SMC1A: variants seen among roughly 807,000 people sequenced by gnomAD.
The protein encoded by SMC1A is structural maintenance of chromosomes 1A.
SMC1A carries 4 observed loss-of-function variants against 94.5 expected under a neutral mutation model. The observed-to-expected ratio is 0.04, with a 90% CI of 0.02 to 0.10. The LOEUF is 0.10. SMC1A is among the 10% of genes least tolerant of loss of function. SMC1A has a pLI of 1.00. For missense variants in SMC1A, 304 were observed against 989.0 expected, an observed-to-expected ratio of 0.31 and a Z score of 9.29; for synonymous variants, 345 against 347.7, an observed-to-expected ratio of 0.99 and a Z score of 0.09.
At chrX:53,380,245 T>G in intron 24 of SMC1A, 59 bp from the exon 25 acceptor site, 24 of 854,672 alleles carry the variant, frequency 2.8e-5, no homozygotes, top group African/African-American at 3.9e-5. Flanking sequence ...AAGAGGGGTC[T>G]AGTGCCCCAG....
Position 53,409,042 on chromosome X carries a change from A to G in SMC1A, c.1545+20T>C. The G allele has an allele frequency of 1.7e-6, 2 of 1,191,973 alleles. No individual in the cohort carries two copies. The highest frequency in any genetic ancestry group is 1.8e-5 in the South Asian group (1 of 56,544). On this transcript the variant is annotated intron_variant, in intron 9 of 24. Transcript: ENST00000322213. ...AGTGAGTGTAAGTGCTCAGGAAATG[A>G]GTTCCCTCTCTGCTCTTACCACAGA...
chrX:53,383,998 C>T (rs2075595044), intron 19 of SMC1A, among the ~76,000 whole-genome samples: 2 of 111,972 alleles, frequency 1.8e-5, no homozygotes, highest in Admixed American at 9.5e-5. Flanking sequence ...AGACTCCTAA[C>T]TCAGAGATCA....
At chrX:53,395,953 A>C (rs1302728057) in intron 18 of SMC1A, among the ~76,000 whole-genome samples, 2 of 110,966 alleles carry the variant, frequency 1.8e-5, no homozygotes, top group Non-Finnish European at 3.8e-5. Flanking sequence ...GAATTACTTC[A>C]TTCTTTCCTG....
At chrX:53,393,102 T>C (rs1208101612) in intron 19 of SMC1A, among the ~76,000 whole-genome samples, 1 of 111,993 alleles carries the variant, frequency 8.9e-6, no homozygotes, top group Admixed American at 9.6e-5. Context: ...TGATGTGATG[T>C]AGAAGGAAGT....
At chrX:53,381,163 C>T (rs1195920077) in intron 22 of SMC1A, 76 bp from the exon 23 acceptor site, 3 of 600,005 alleles carry the variant, frequency 5.0e-6, no homozygotes, top group Non-Finnish European at 8.5e-6. Flanking sequence ...AGCCCCAGGG[C>T]CCATCAAACA....
intron 13 of SMC1A, chrX:53,404,806 T>C (rs1328782972): frequency 5.5e-5 from 25 of 455,896 alleles, no homozygotes; most frequent in Non-Finnish European, 6.9e-5. Flanking sequence ...AGGTTGACAC[T>C]GAAAGGTGAA....
At chrX:53,415,841 G>A (rs1556891208) in intron 1 of SMC1A, among the ~76,000 whole-genome samples, 9 of 57,741 alleles carry the variant, frequency 1.6e-4, no homozygotes, top group African/African-American at 7.0e-5. Context: ...TAAAAAAATA[G>A]TGAAAAAAAA....
intron 1 of SMC1A, among the ~76,000 whole-genome samples, chrX:53,420,614 A>T (rs2075751082): frequency 9.0e-6 from 1 of 111,679 alleles, no homozygotes; most frequent in African/African-American, 3.3e-5. Flanking sequence ...TCAATTAATT[A>T]GTCCTATCCT....
At chrX:53,388,707 T>A (rs1261679857) in intron 19 of SMC1A, among the ~76,000 whole-genome samples, 1 of 109,334 alleles carries the variant, frequency 9.1e-6, no homozygotes, top group Non-Finnish European at 1.9e-5. Flanking sequence ...TACTAGAAAA[T>A]CGAAAATTGG....
chrX:53,411,823 G>A lies in SMC1A; in HGVS notation c.1192C>T (p.Arg398Ter), dbSNP rs886041902. The change falls in exon 7 of 25, where the codon CGA (arginine) becomes TGA (stop). Residue 398 changes from arginine to a stop codon, truncating the protein, a stop_gained. Coordinates refer to ENST00000322213, the MANE Select transcript of SMC1A (RefSeq NM_006306.4). LOFTEE classifies it high-confidence loss of function. ...TLAQELEKFN[R>*]DQKADQDRLD... The stretch of plus-strand genomic sequence containing the variant: ...CGGTCCTGGTCAGCTTTCTGGTCTC[G>A]ATTGAATTTCTCCAGCTCCTGGGCC... The A allele has an allele frequency of 8.3e-7, 1 of 1,211,167 alleles. No individual in the cohort carries two copies. Among genetic ancestry groups the A allele is most frequent in the Non-Finnish European group, 1.1e-6 (1 of 895,127 alleles).
At chrX:53,398,020 TA>T (rs2075657944) in intron 16 of SMC1A, among the ~76,000 whole-genome samples, 2 of 109,073 alleles carry the variant, frequency 1.8e-5, no homozygotes, top group Non-Finnish European at 3.8e-5. Context: ...ACCCCATCTC[TA>T]CTAAAATACA....
At position 53,403,568 on chromosome X, in the gene SMC1A, C is replaced by T. The variant is rs1556889219; in HGVS notation, c.2418G>A (p.Lys806=). 8.4e-7 allele frequency: 1 copy of T among 1,194,889 alleles called. No individual in the cohort carries two copies. The highest frequency in any genetic ancestry group is 1.1e-6 in the Non-Finnish European group (1 of 884,246). Residue 806 remains lysine (K), a splice_region_variant and synonymous_variant, in exon 15 of 25, where the codon AAG becomes AAA. Transcript: ENST00000322213. ...CTTCTACCAATCCTCCCACCTACCGCTTCTTGGCGATTTCATTCTGCCGTT... is the reference window on the plus strand; with the variant it reads ...CTTCTACCAATCCTCCCACCTACCGTTTCTTGGCGATTTCATTCTGCCGTT... ...KVKRQNEIAK[K]RLEFENQKTR... is the part of the protein sequence containing the mutation.
rs1556889478 is a variant in SMC1A, at chrX:53,405,117, C to T, written c.2091G>A (p.Glu697=). ...GGGCCTGAGACTGCACCTGACGCAG[C>T]TCTGCCTCTTTCCGTTTTGCCTTCA... The part of the protein sequence containing the change: ...EQMKAKRKEA[E]LRQVQSQAHG... The change falls in exon 13 of 25, where the codon GAG becomes GAA. Residue 697 remains glutamate, a synonymous_variant. Transcript: ENST00000322213. The T allele has an allele frequency of 8.3e-7, 1 of 1,210,893 alleles. No individual in the cohort carries two copies.
At chrX:53,414,737 A>G (rs369812448) in intron 3 of SMC1A, 21 bp downstream of exon 3, 2 of 1,061,122 alleles carry the variant, frequency 1.9e-6, no homozygotes, top group African/African-American at 3.7e-5. Context: ...CAGATAGCCA[A>G]TAACTGTTAA....
intron 19 of SMC1A, among the ~76,000 whole-genome samples, chrX:53,383,940 T>C (rs1324419482): frequency 3.6e-5 from 4 of 111,647 alleles, no homozygotes; most frequent in African/African-American, 9.8e-5. Context: ...GCAGGCAGTG[T>C]TGACTTAGCA....
chrX:53,411,653 T>A (rs1265242188), intron 7 of SMC1A, 108 bp downstream of exon 7: 2 of 962,772 alleles, frequency 2.1e-6, no homozygotes, highest in Non-Finnish European at 3.0e-6. Flanking sequence ...CCAAAATGCT[T>A]AGGACCGGAA....
chrX:53,393,084 G>C lies in SMC1A; in HGVS notation c.2973+1694C>G, dbSNP rs1202243226. 2.0e-4 allele frequency among the ~76,000 whole-genome samples: 22 copies of C among 111,987 alleles called. No homozygotes were observed. In the Admixed American group the frequency reaches 2.1e-3, roughly 11 times the overall value. ...CAAAGAAAGTGAGAACTGACATCAG[G>C]TGTCTACTGATGTGATGTAGAAGGA... is the stretch of plus-strand genomic sequence containing the variant. On this transcript the variant is annotated intron_variant, in intron 19 of 24. Transcript: ENST00000322213.
chrX:53,422,055 C>T (rs781907507), intron 1 of SMC1A: 3 of 1,206,294 alleles, frequency 2.5e-6, no homozygotes, highest in South Asian at 3.5e-5. Flanking sequence ...AACAGAAGTG[C>T]ACCGTTTGGG....
chrX:53,409,648 A>C (rs917719538), intron 7 of SMC1A, 145 bp from the exon 8 acceptor site: 13 of 516,021 alleles, frequency 2.5e-5, no homozygotes, highest in Non-Finnish European at 2.8e-5. Flanking sequence ...GGCCTACTAA[A>C]AAGCAGACAT....
Sources: allele counts gnomAD v4.1 joint callset (sites outside exome capture counted in the v4.1 genomes callset), GRCh38; gene constraint gnomAD v4.1.1; transcripts MANE v1.5; gene names NCBI Gene and HGNC (gene_info 2026-07-23, HGNC 2026-07-21).